Variants in TNC observed in about 807,000 individuals in gnomAD.
TNC encodes tenascin C, also known as tenascin.
In TNC, 109 loss-of-function variants were observed where a neutral mutation model predicts 202.4. That is an observed-to-expected ratio of 0.54 (90% CI 0.46 to 0.63). TNC has a LOEUF of 0.63. TNC is among the 30% of genes least tolerant of loss of function. The pLI, the probability that TNC is intolerant of heterozygous loss-of-function variation, is 0.00. For synonymous variants in TNC, 1,007 were observed against 1,089.7 expected (o/e 0.92, Z 1.50); for missense variants, 2,756 against 2,833.3 (o/e 0.97, Z 0.62).
rs752653290 is a variant in TNC, at chr9:115,078,187, C to T, written c.2430G>A (p.Glu810=). 1.2e-6 allele frequency: 2 copies of T among 1,609,526 alleles called. No individual in the cohort carries two copies. The highest frequency in any genetic ancestry group is 2.2e-5 in the East Asian group (1 of 44,722). ...CAGTGGTGTCTGTGACATCTTTCACCTCGATCTGGCTGGGGGCATCCAAGC... is the reference window on the plus strand; with the variant it reads ...CAGTGGTGTCTGTGACATCTTTCACTTCGATCTGGCTGGGGGCATCCAAGC... ...TTRLDAPSQI[E]VKDVTDTTAL... The change falls in exon 7 of 28, where the codon GAG becomes GAA. Residue 810 remains glutamate, a synonymous_variant. Coordinates refer to ENST00000350763, the MANE Select transcript of TNC (RefSeq NM_002160.4).
At chr9:115,114,086 T>C (rs183502620) in intron 1 of TNC, among the ~76,000 whole-genome samples, 22 of 152,336 alleles carry the variant, frequency 1.4e-4, no homozygotes, top group Non-Finnish European at 2.2e-4. Flanking sequence ...TTACATTGAA[T>C]GGAATTATGG....
Position 115,064,738 on chromosome 9 carries a change from C to G in TNC, c.3396G>C (p.Pro1132=), listed in dbSNP as rs750372440. ...TATAAGGCGTAGCAGCCTTGAGGCC[C>G]GGTATGTCCACAGCCCGAAGGCTGC... ...VPGSLRAVDI[P]GLKAATPYTV... is the part of the protein sequence containing the mutation. Residue 1132 remains proline (P), a synonymous_variant, in exon 11 of 28, where the codon CCG becomes CCC. Transcript: ENST00000350763. 1 of 1,614,038 alleles carries G rather than the reference C, an allele frequency of 6.2e-7. No homozygotes were observed. The highest frequency in any genetic ancestry group is 1.3e-5 in the African/African-American group (1 of 74,892).
At chr9:115,071,522 C>T (rs949138336) in intron 10 of TNC, among the ~76,000 whole-genome samples, 1 of 152,300 alleles carries the variant, frequency 6.6e-6, no homozygotes, top group African/African-American at 2.4e-5. Context: ...AAGCCCCACA[C>T]CTCAGGATCT....
At chr9:115,077,208 C>T (rs530973337) in intron 7 of TNC, among the ~76,000 whole-genome samples, 5 of 152,220 alleles carry the variant, frequency 3.3e-5, no homozygotes, top group Non-Finnish European at 7.3e-5. Context: ...GCACCCGCCA[C>T]CACGCCTGGC....
At chr9:115,061,073 G>T (rs1832507435) in intron 13 of TNC, among the ~76,000 whole-genome samples, 1 of 152,142 alleles carries the variant, frequency 6.6e-6, no homozygotes, top group African/African-American at 2.4e-5. Flanking sequence ...ATGCTTCTGA[G>T]GGTTAAATGC....
At chr9:115,070,954 T>A (rs1330108083) in intron 10 of TNC, among the ~76,000 whole-genome samples, 1 of 152,222 alleles carries the variant, frequency 6.6e-6, no homozygotes, top group Non-Finnish European at 1.5e-5. Flanking sequence ...CGTCTTCCCA[T>A]TGTAAGCCTT....
At position 115,026,679 on chromosome 9, in the gene TNC, G is replaced by A. The variant is rs755204486; in HGVS notation, c.6186C>T (p.Asn2062=). The change falls in exon 26 of 28, where the codon AAC becomes AAT. Residue 2062 remains asparagine, a synonymous_variant. Coordinates refer to ENST00000350763, the MANE Select transcript of TNC (RefSeq NM_002160.4). ...CGTACTGCCCCTGGGCTGTGATTTT[G>A]TTCAGGTTGTCCAGCCCTGTGGATG... ...EEFWLGLDNL[N]KITAQGQYEL... The A allele has an allele frequency of 4.3e-6, 7 of 1,613,728 alleles. No individual in the cohort carries two copies. The highest frequency in any genetic ancestry group is 1.7e-4 in the Middle Eastern group (1 of 6,050).
intron 15 of TNC, 54 bp from the exon 16 acceptor site, chr9:115,048,586 G>C: frequency 6.5e-7 from 1 of 1,537,186 alleles, no homozygotes; most frequent in Non-Finnish European, 8.8e-7. Flanking sequence ...GACTCTGTCA[G>C]GATAGCACAC....
intron 22 of TNC, 92 bp downstream of exon 22, chr9:115,035,112 G>A: frequency 7.0e-7 from 1 of 1,432,806 alleles, no homozygotes; most frequent in South Asian, 1.4e-5. Context: ...ATGCACTGGG[G>A]TAGAAAAACA....
At chr9:115,068,901 G>T (rs1424256686) in intron 10 of TNC, among the ~76,000 whole-genome samples, 4 of 152,084 alleles carry the variant, frequency 2.6e-5, no homozygotes, top group African/African-American at 9.7e-5. Context: ...TCTGTGATGG[G>T]TACCTGTCTG....
intron 1 of TNC, among the ~76,000 whole-genome samples, chr9:115,099,937 G>T (rs1189257116): frequency 2.0e-5 from 3 of 152,180 alleles, no homozygotes; most frequent in African/African-American, 4.8e-5. Flanking sequence ...AAATGAGGAG[G>T]CTGTGGCTAC....
Position 115,021,283 on chromosome 9 carries a change from A to G in TNC, c.6496-16T>C, listed in dbSNP as rs75962107. ...AGTTAACGCCCTGTTAAAAAAAAAA[A>G]AGAGAGAGAGAGAGAGAGAGAGAAG... On this transcript the variant is annotated splice_polypyrimidine_tract_variant and intron_variant, in intron 27 of 27. Transcript: ENST00000350763. 2.9e-4 allele frequency: 323 copies of G among 1,101,994 alleles called. No individual in the cohort carries two copies. The highest frequency in any genetic ancestry group is 4.9e-4 in the East Asian group (16 of 32,486). The allele number at this position is 1,101,994 out of a possible 1,614,324, so 68.3% of individuals were successfully genotyped here. A position where few individuals can be genotyped will look rare whatever the true frequency, so the allele number is the denominator to read the frequency against.
intron 1 of TNC, among the ~76,000 whole-genome samples, chr9:115,114,729 A>G (rs1837330055): frequency 6.6e-6 from 1 of 152,214 alleles, no homozygotes; most frequent in African/African-American, 2.4e-5. Flanking sequence ...CACAGCAGAA[A>G]GAACAGTGGG....
chr9:115,029,460 T>C lies in TNC; in HGVS notation c.6073-4A>G, dbSNP rs367685240. The C allele has an allele frequency of 8.1e-6, 13 of 1,613,792 alleles. No individual in the cohort carries two copies. Among genetic ancestry groups the C allele is most frequent in the African/African-American group, 1.3e-5 (1 of 74,920 alleles). On this transcript the variant is annotated splice_region_variant and splice_polypyrimidine_tract_variant and intron_variant, in intron 24 of 27. Coordinates refer to ENST00000350763, the MANE Select transcript of TNC (RefSeq NM_002160.4). Reference sequence around the variant, plus strand: ...CGTTTTTGCGTCTCAGGAACACCTATAAACATATCGATGAATCTGGGTGTA... The same window carrying C: ...CGTTTTTGCGTCTCAGGAACACCTACAAACATATCGATGAATCTGGGTGTA...
At chr9:115,075,777 C>G (rs1362961772) in intron 9 of TNC, among the ~76,000 whole-genome samples, 1 of 152,136 alleles carries the variant, frequency 6.6e-6, no homozygotes, top group Non-Finnish European at 1.5e-5. Context: ...GAGCGATACT[C>G]CATCTCAACA....
Position 115,081,835 on chromosome 9 carries a change from T to C in TNC, c.2341A>G (p.Ile781Val). 6.2e-7 allele frequency: 1 copy of C among 1,609,762 alleles called. No individual in the cohort carries two copies. Among genetic ancestry groups the C allele is most frequent in the South Asian group, 1.1e-5 (1 of 89,818 alleles). The change falls in exon 6 of 28, where the codon ATA becomes GTA. Residue 781 changes from isoleucine to valine, a missense_variant. Physicochemically the swap from Ile to Val is conservative, Grantham distance 29. This residue lies in a region of TNC where 2,559 missense variants were observed against 2,546.0 expected (regional missense o/e 1.01). Transcript: ENST00000350763. ...TGLAPGQEYE[I>V]SLHIVKNNTR... ...TTGTTTTTCACTATGTGCAGAGATATCTCATACTCTTGCCCAGGAGCTAGA... is the reference window on the plus strand; with the variant it reads ...TTGTTTTTCACTATGTGCAGAGATACCTCATACTCTTGCCCAGGAGCTAGA...
chr9:115,042,167 C>G lies in TNC; in HGVS notation c.5248+52G>C, dbSNP rs367809252. ...AATTATCAGGGTCTTTTTCATGAATCCATCCAAACCCACAACACTCCTCCT... is the reference window on the plus strand; with the variant it reads ...AATTATCAGGGTCTTTTTCATGAATGCATCCAAACCCACAACACTCCTCCT... On this transcript the variant is annotated intron_variant, in intron 18 of 27. Transcript: ENST00000350763. 1.2e-5 allele frequency: 18 copies of G among 1,562,662 alleles called. No homozygotes were observed. In the African/African-American group the frequency reaches 2.1e-4, roughly 18 times the overall value.
intron 15 of TNC, among the ~76,000 whole-genome samples, chr9:115,053,881 A>C (rs17819299): frequency 0.13 from 19,722 of 152,212 alleles, 1,359 homozygotes; most frequent in Middle Eastern, 0.21. Flanking sequence ...AGGAAACTCA[A>C]TTATTGGATA....
intron 1 of TNC, among the ~76,000 whole-genome samples, chr9:115,105,579 A>C (rs1289860687): frequency 6.6e-6 from 1 of 152,186 alleles, no homozygotes; most frequent in East Asian, 1.9e-4. Context: ...CGGGGTCCAG[A>C]GAAACTACTG....
Sources: gnomAD v4.1 joint callset for allele counts (sites outside exome capture counted in the v4.1 genomes callset) on GRCh38, gnomAD v4.1.1 for gene constraint, gnomAD v4.1.1 regional missense constraint, MANE v1.5 for transcripts, NCBI Gene and HGNC (gene_info 2026-07-23, HGNC 2026-07-21) for gene names.